NLRP5: variants seen among roughly 807,000 people sequenced by gnomAD.
The protein encoded by NLRP5 is NACHT, LRR and PYD domains-containing protein 5.
In NLRP5, 93 loss-of-function variants were observed where a neutral mutation model predicts 113.1. The observed-to-expected ratio is 0.82, with a 90% confidence interval of 0.70 to 0.98. The LOEUF (loss-of-function observed/expected upper bound fraction) is 0.98. Ranked by LOEUF, NLRP5 falls within the 50% of genes least tolerant of loss-of-function variation. The pLI is 0.00. For synonymous variants in NLRP5, 751 were observed against 600.7 expected, an observed-to-expected ratio of 1.25 and a Z score of -3.66; for missense variants, 1,808 against 1,514.3, an observed-to-expected ratio of 1.19 and a Z score of -3.22.
chr19:56,058,770 C>T (rs1984249970), intron 14 of NLRP5, among the ~76,000 whole-genome samples: 1 of 152,136 alleles, frequency 6.6e-6, no homozygotes, highest in South Asian at 2.1e-4. Context: ...GATTTCACAC[C>T]CATGTTCATA....
intron 10 of NLRP5, among the ~76,000 whole-genome samples, chr19:56,040,157 G>C (rs1335517063): frequency 1.3e-5 from 2 of 152,078 alleles, no homozygotes; most frequent in African/African-American, 4.8e-5. Context: ...ATGTTGCCCA[G>C]GCTGGTCTCG....
rs911502233 is a variant in NLRP5, at chr19:56,059,724, G to A, written c.3470+1314G>A. ...TAATTTTTACATTTTTAGTAGAGAA[G>A]AGTTTTCACCAGGCTGGTCTCAAAT... is the stretch of plus-strand genomic sequence containing the variant. On this transcript the variant is annotated intron_variant, in intron 14 of 14. Transcript: ENST00000390649. Among the ~76,000 whole-genome samples the A allele has an allele frequency of 2.0e-5, 3 of 151,926 alleles. No homozygotes were observed. In the South Asian group the frequency reaches 6.2e-4, roughly 32 times the overall value.
intron 9 of NLRP5, among the ~76,000 whole-genome samples, chr19:56,037,495 C>A (rs187699996): frequency 2.5e-3 from 382 of 152,086 alleles, no homozygotes; most frequent in Non-Finnish European, 4.2e-3. Flanking sequence ...GAGTTTGAGA[C>A]CAGCCTGGCC....
Position 56,038,013 on chromosome 19 carries a change from CTG to C in NLRP5, c.2616-10_2616-9del. 1 of 1,613,740 alleles carries C rather than the reference CTG, an allele frequency of 6.2e-7. No homozygotes were observed. The highest frequency in any genetic ancestry group is 1.1e-5 in the South Asian group (1 of 91,056). ...AAGAGCTGGGATTGCTTCATGCTGC[CTG>C]TCTCTGCAGGCTGGATTGCTGTGGA... On this transcript the variant is annotated splice_polypyrimidine_tract_variant and intron_variant, in intron 9 of 14. Transcript: ENST00000390649.
At chr19:56,016,739 T>A (rs1450116960) in intron 4 of NLRP5, among the ~76,000 whole-genome samples, 1 of 152,212 alleles carries the variant, frequency 6.6e-6, no homozygotes, top group African/African-American at 2.4e-5. Flanking sequence ...CATAATGTCC[T>A]CTAGGTTCCT....
rs769072767 is a variant in NLRP5, at chr19:56,050,625, A to G, written c.3128+37A>G. The G allele has an allele frequency of 4.8e-5, 76 of 1,592,786 alleles. No homozygotes were observed. In the South Asian group the frequency reaches 8.2e-4, roughly 17 times the overall value. On this transcript the variant is annotated intron_variant, in intron 12 of 14. Transcript: ENST00000390649. ...ATGGGCGTTGGGTCAACTCTATCAT[A>G]CTGGGGTCTGGAGTTCCTGAAAGGT...
chr19:56,034,220 C>T lies in NLRP5; in HGVS notation c.2615+511C>T, dbSNP rs996616489. 7.2e-5 allele frequency among the ~76,000 whole-genome samples: 11 copies of T among 152,308 alleles called. 1 individual carries two copies. The highest frequency in any genetic ancestry group is 5.9e-4 in the Admixed American group (9 of 15,296). ...CCTGGCCAACATGGTGAAACTCCAT[C>T]TCTACCAAAAATACAAAAATTAGCC... On this transcript the variant is annotated intron_variant, in intron 9 of 14. Coordinates refer to ENST00000390649, the MANE Select transcript of NLRP5 (RefSeq NM_153447.4).
upstream of NLRP5, among the ~76,000 whole-genome samples, chr19:55,996,979 A>G (rs1308842378): frequency 1.3e-5 from 2 of 151,578 alleles, no homozygotes; most frequent in African/African-American, 4.9e-5. Context: ...CTATTTCTCC[A>G]CATCCTCTCT....
chr19:56,058,525 T>G (rs1984242043), intron 14 of NLRP5, 115 bp downstream of exon 14: 2 of 889,082 alleles, frequency 2.2e-6, no homozygotes, highest in Non-Finnish European at 3.4e-6. Flanking sequence ...GAGCCACATT[T>G]TACTCCATTG....
chr19:55,995,662 CTG>C (rs1259236253), upstream of NLRP5, among the ~76,000 whole-genome samples: 1 of 152,130 alleles, frequency 6.6e-6, no homozygotes, highest in Non-Finnish European at 1.5e-5. Flanking sequence ...TGCATTGAAT[CTG>C]TAGATTGTTT....
chr19:56,050,673 CG>C, intron 12 of NLRP5, 85 bp downstream of exon 12: 1 of 1,365,358 alleles, frequency 7.3e-7, no homozygotes, highest in Admixed American at 2.4e-5. Flanking sequence ...GCAGGGAGAC[CG>C]GAACCAAAAA....
Position 56,003,717 on chromosome 19 carries a change from C to A in NLRP5, c.64C>A (p.Leu22Ile), listed in dbSNP as rs755985956. The A allele has an allele frequency of 2.5e-6, 4 of 1,590,400 alleles. No individual in the cohort carries two copies. The highest frequency in any genetic ancestry group is 3.4e-6 in the Non-Finnish European group (4 of 1,169,922). Reference sequence around the variant, plus strand: ...TTTGCTGCAAGATCCTCTTTTAAGTCTTGTCACTCTTTCCACAGGTCCTAC... The same window carrying A: ...TTTGCTGCAAGATCCTCTTTTAAGTATTGTCACTCTTTCCACAGGTCCTAC... Residue 22 changes from leucine to isoleucine, a missense_variant and splice_region_variant, in exon 2 of 15, where the codon CTT (leucine) becomes ATT (isoleucine). Coordinates refer to ENST00000390649, the MANE Select transcript of NLRP5 (RefSeq NM_153447.4).
At chr19:56,015,822 T>TCA in intron 4 of NLRP5, 24 bp downstream of exon 4, 2 of 1,531,614 alleles carry the variant, frequency 1.3e-6, no homozygotes, top group Non-Finnish European at 1.8e-6. Context: ...ATCTATTCAT[T>TCA]TGTTGCCCTC....
chr19:56,026,991 T>C lies in NLRP5; in HGVS notation c.758T>C (p.Phe253Ser). The C allele has an allele frequency of 1.3e-6, 2 of 1,551,788 alleles. No individual in the cohort carries two copies. The highest frequency in any genetic ancestry group is 1.7e-6 in the Non-Finnish European group (2 of 1,147,016). ...GAGGAGGAGGATGTACGTCGTAGTT[T>C]TGAAAACACTGCTGCTGACTGGCCG... is the stretch of plus-strand genomic sequence containing the variant. Residue 253 changes from phenylalanine (F) to serine (S), a missense_variant, in exon 7 of 15, where the codon TTT (phenylalanine) becomes TCT (serine). Coordinates refer to ENST00000390649, the MANE Select transcript of NLRP5 (RefSeq NM_153447.4).
upstream of NLRP5, among the ~76,000 whole-genome samples, chr19:55,998,708 G>GTATATATATATATATATATATA (rs1429404937): frequency 5.1e-5 from 3 of 59,352 alleles, no homozygotes; most frequent in African/African-American, 2.4e-4. Context: ...ATATATGTGT[G>GTATATATATATATATATATATA]TGTGTGTATA....
At chr19:56,032,985 C>T (rs553543022) in intron 8 of NLRP5, among the ~76,000 whole-genome samples, 6 of 152,136 alleles carry the variant, frequency 3.9e-5, no homozygotes, top group African/African-American at 1.4e-4. Context: ...GTGGCTCATG[C>T]CTGTAATCCC....
chr19:56,048,366 T>C (rs1393012552), intron 11 of NLRP5, among the ~76,000 whole-genome samples: 2 of 152,224 alleles, frequency 1.3e-5, no homozygotes, highest in Non-Finnish European at 2.9e-5. Flanking sequence ...TGTTTTGATG[T>C]GTTTCCAGGA....
In NLRP5 at chr19:56,053,767, C is replaced by T. The variant is rs764666206; in HGVS notation, c.3258C>T (p.Cys1086=). The T allele has an allele frequency of 1.2e-5, 20 of 1,613,692 alleles. No individual in the cohort carries two copies. The highest frequency in any genetic ancestry group is 5.0e-5 in the Admixed American group (3 of 59,976). ...GTGACGGTGGGGTTGCTGCGCTGTG[C>T]GAGGGACTGAAGCAAAAGAACAGTG... The change falls in exon 13 of 15, where the codon TGC becomes TGT. Residue 1086 remains cysteine (C), a synonymous_variant. Coordinates refer to ENST00000390649, the MANE Select transcript of NLRP5 (RefSeq NM_153447.4).
intron 3 of NLRP5, among the ~76,000 whole-genome samples, chr19:56,012,171 CAG>C (rs552104043): frequency 1.5e-3 from 224 of 150,296 alleles, no homozygotes; most frequent in African/African-American, 5.2e-3. Context: ...CTTTCTCCCA[CAG>C]AGTCTCGCTC....
Sources: gnomAD v4.1 joint callset for allele counts (sites outside exome capture counted in the v4.1 genomes callset) on GRCh38, gnomAD v4.1.1 for gene constraint, MANE v1.5 for transcripts, NCBI Gene and HGNC (gene_info 2026-07-23, HGNC 2026-07-21) for gene names.